LRP1B: variants seen among roughly 807,000 people sequenced by gnomAD.
LRP1B encodes the protein LDL receptor related protein 1B.
Under a neutral mutation model 556.6 loss-of-function variants are expected in LRP1B, and 217 were observed. That is an observed-to-expected ratio of 0.39 (90% CI 0.35 to 0.44). LRP1B has a LOEUF of 0.44. LRP1B is among the 20% of genes least tolerant of loss of function. The pLI is 1.00. For missense variants in LRP1B, 5,053 were observed against 5,620.8 expected (o/e 0.90, Z 3.23); for synonymous variants, 2,047 against 1,865.8 (o/e 1.10, Z -2.50).
intron 41 of LRP1B, among the ~76,000 whole-genome samples, chr2:140,676,366 G>T (rs1325671594): frequency 6.6e-6 from 1 of 152,086 alleles, no homozygotes; most frequent in Non-Finnish European, 1.5e-5. Context: ...AAAAATAAGA[G>T]ATATTTCTTG....
intron 1 of LRP1B, among the ~76,000 whole-genome samples, chr2:141,940,090 C>T (rs1021408233): frequency 2.6e-5 from 4 of 152,004 alleles, no homozygotes; most frequent in Admixed American, 6.6e-5. Flanking sequence ...GACTCAATTG[C>T]AGTGCAGTTA....
intron 23 of LRP1B, among the ~76,000 whole-genome samples, chr2:140,888,503 TTATACATATAAA>T: frequency 6.6e-6 from 1 of 150,876 alleles, no homozygotes; most frequent in Admixed American, 6.6e-5. Flanking sequence ...ATATATATAC[TTATACATATAAA>T]TATACATACA....
intron 20 of LRP1B, among the ~76,000 whole-genome samples, chr2:140,946,755 G>A (rs35039110): frequency 0.028 from 4,213 of 152,244 alleles, 61 homozygotes; most frequent in African/African-American, 0.037. Context: ...TACTCACAGT[G>A]GCAGACATGG....
chr2:140,502,536 A>C (rs1558926894), intron 54 of LRP1B, among the ~76,000 whole-genome samples: 1 of 152,006 alleles, frequency 6.6e-6, no homozygotes, highest in Non-Finnish European at 1.5e-5. Flanking sequence ...AAACAGACCA[A>C]GTTTTTAATA....
At chr2:141,909,514 A>G (rs1418417995) in intron 1 of LRP1B, among the ~76,000 whole-genome samples, 1 of 144,530 alleles carries the variant, frequency 6.9e-6, no homozygotes, top group Non-Finnish European at 1.5e-5. Flanking sequence ...TAATCAGACT[A>G]AGGTCTCAGA....
At chr2:142,029,463 C>A (rs760172164) in intron 1 of LRP1B, among the ~76,000 whole-genome samples, 1 of 151,716 alleles carries the variant, frequency 6.6e-6, no homozygotes, top group Admixed American at 6.6e-5. Flanking sequence ...TATCTAGTCC[C>A]AGAACAATAG....
chr2:140,238,865 T>C (rs540585731), intron 88 of LRP1B, among the ~76,000 whole-genome samples: 15 of 150,994 alleles, frequency 9.9e-5, no homozygotes, highest in African/African-American at 3.6e-4. Context: ...CCAATAGTTA[T>C]CACCCTACAC....
intron 43 of LRP1B, among the ~76,000 whole-genome samples, chr2:140,553,335 A>T (rs990525835): frequency 6.6e-6 from 1 of 152,008 alleles, no homozygotes; most frequent in African/African-American, 2.4e-5. Context: ...AGATGCCTAA[A>T]TGACACTAGT....
intron 57 of LRP1B, among the ~76,000 whole-genome samples, 192 bp downstream of exon 57, chr2:140,492,416 T>C (rs1293328790): frequency 6.6e-6 from 1 of 152,220 alleles, no homozygotes; most frequent in Admixed American, 6.5e-5. Flanking sequence ...ATATTTCTGT[T>C]ACTATTACAC....
At chr2:141,391,996 C>T (rs1455440143) in intron 3 of LRP1B, among the ~76,000 whole-genome samples, 1 of 151,952 alleles carries the variant, frequency 6.6e-6, no homozygotes. Flanking sequence ...CATGTATATC[C>T]AAAGCATGAG....
rs539207396 is a variant in LRP1B, at chr2:140,897,080, A to G, written c.3766+5840T>C. On this transcript the variant is annotated intron_variant, in intron 23 of 90. Transcript: ENST00000389484. ...ACATTTCAGGAAGAGATTAATTACC[A>G]GAAGATTAAATTATCCACTTAAAAA... Among the ~76,000 whole-genome samples the G allele has an allele frequency of 7.2e-5, 11 of 152,350 alleles. No individual in the cohort carries two copies. The East Asian group carries it at 2.1e-3, about 29-fold the overall frequency.
At chr2:141,951,787 A>C (rs1257876724) in intron 1 of LRP1B, among the ~76,000 whole-genome samples, 1 of 152,142 alleles carries the variant, frequency 6.6e-6, no homozygotes, top group African/African-American at 2.4e-5. Flanking sequence ...TTCAAACTTA[A>C]AAACTAGATG....
At chr2:140,738,743 T>A (rs183468764) in intron 35 of LRP1B, among the ~76,000 whole-genome samples, 1 of 152,136 alleles carries the variant, frequency 6.6e-6, no homozygotes. Context: ...TCTATCGCCA[T>A]CTTTACTCAC....
At chr2:141,913,599 A>G (rs967810115) in intron 1 of LRP1B, among the ~76,000 whole-genome samples, 1 of 152,084 alleles carries the variant, frequency 6.6e-6, no homozygotes, top group African/African-American at 2.4e-5. Flanking sequence ...TTTCTCAATT[A>G]CAAGTAAGGA....
chr2:141,118,108 G>C (rs138044018), intron 7 of LRP1B, among the ~76,000 whole-genome samples: 4 of 152,004 alleles, frequency 2.6e-5, no homozygotes, highest in South Asian at 4.1e-4. Flanking sequence ...CATGGAAACT[G>C]TGTATAGGAT....
At chr2:142,011,476 C>T (rs1702956375) in intron 1 of LRP1B, among the ~76,000 whole-genome samples, 1 of 152,070 alleles carries the variant, frequency 6.6e-6, no homozygotes, top group Non-Finnish European at 1.5e-5. Context: ...AGCTTAAAGC[C>T]TAAAAGATAA....
chr2:140,341,313 T>A (rs1263186765), intron 77 of LRP1B, among the ~76,000 whole-genome samples: 1 of 151,476 alleles, frequency 6.6e-6, no homozygotes, highest in South Asian at 2.1e-4. Context: ...AAACTGACAA[T>A]AAAATTTCCA....
chr2:141,496,289 C>A (rs574827113), intron 2 of LRP1B, among the ~76,000 whole-genome samples: 202 of 151,752 alleles, frequency 1.3e-3, no homozygotes, highest in Non-Finnish European at 2.1e-3. Flanking sequence ...AAAAAAAATG[C>A]CAAACTTTAA....
intron 49 of LRP1B, among the ~76,000 whole-genome samples, chr2:140,520,299 T>C (rs1172860797): frequency 6.6e-6 from 1 of 152,140 alleles, no homozygotes; most frequent in Non-Finnish European, 1.5e-5. Context: ...GTTCATGTCC[T>C]TTGTAAGGAC....
Sources: allele counts gnomAD v4.1 joint callset (sites outside exome capture counted in the v4.1 genomes callset), GRCh38; gene constraint gnomAD v4.1.1; transcripts MANE v1.5; gene names NCBI Gene and HGNC (gene_info 2026-07-23, HGNC 2026-07-21).